AK6: variants seen among roughly 807,000 people sequenced by gnomAD.
The protein encoded by AK6 is adenylate kinase 6.
A neutral mutation model predicts 23.7 loss-of-function variants in AK6; 24 were observed. That is an observed-to-expected ratio of 1.01 (90% CI 0.73 to 1.43). The LOEUF (loss-of-function observed/expected upper bound fraction) is 1.43, where lower values mean the gene tolerates loss of function less well. AK6 is among the 40% of genes most tolerant of loss of function. AK6 has a pLI of 0.00. For missense variants in AK6, 191 were observed against 199.1 expected (o/e 0.96, Z 0.24); for synonymous variants, 73 against 69.8 (o/e 1.05, Z -0.23).
At position 69,352,202 on chromosome 5, in the gene AK6, T is replaced by C. The variant is rs200368080; in HGVS notation, c.378A>G (p.Gln126=). Residue 126 remains glutamine, a synonymous_variant, in exon 5 of 5, where the codon CAA becomes CAG. Coordinates refer to ENST00000380822, the MANE Select transcript of AK6 (RefSeq NM_016283.5). ...LTDNIQCEIF[Q]VLYEEATASY... is the part of the protein sequence containing the mutation. ...ATGCTGTGGCTTCTTCATAAAGAAC[T>C]TGAAAAATCTCACACTGAATATTGT... 13 of 1,613,804 alleles carry C rather than the reference T, an allele frequency of 8.1e-6. No individual in the cohort carries two copies. The highest frequency in any genetic ancestry group is 1.1e-5 in the Non-Finnish European group (13 of 1,179,896).
intron 4 of AK6, among the ~76,000 whole-genome samples, chr5:69,354,682 T>C (rs1473327394): frequency 1.3e-5 from 2 of 152,230 alleles, no homozygotes; most frequent in African/African-American, 4.8e-5. Context: ...CTGGTTTATT[T>C]TGTTAGTTTT....
At chr5:69,367,504 C>CA (rs34070239) in intron 1 of AK6, among the ~76,000 whole-genome samples, 5,023 of 93,908 alleles carry the variant, frequency 0.053, 179 homozygotes, top group East Asian at 0.12. Flanking sequence ...GACTCCATCT[C>CA]AAAAAAAAAA....
intron 1 of AK6, among the ~76,000 whole-genome samples, chr5:69,368,454 G>A (rs1029167962): frequency 6.6e-6 from 1 of 152,150 alleles, no homozygotes; most frequent in East Asian, 1.9e-4. Flanking sequence ...TCAATAAAAT[G>A]TTCACTTTAA....
At chr5:69,368,236 G>A (rs953675436) in intron 1 of AK6, among the ~76,000 whole-genome samples, 1 of 152,008 alleles carries the variant, frequency 6.6e-6, no homozygotes, top group Non-Finnish European at 1.5e-5. Context: ...TATATACATT[G>A]TTCTTTACCT....
At chr5:69,358,536 A>G (rs1762143561) in intron 2 of AK6, among the ~76,000 whole-genome samples, 2 of 151,180 alleles carry the variant, frequency 1.3e-5, no homozygotes, top group African/African-American at 2.4e-5. Flanking sequence ...AAAAAAAAAA[A>G]AAAAAAGAAA....
intron 2 of AK6, among the ~76,000 whole-genome samples, chr5:69,361,892 C>A (rs1384441114): frequency 6.6e-6 from 1 of 151,750 alleles, no homozygotes; most frequent in Non-Finnish European, 1.5e-5. Flanking sequence ...CAGGCATGAG[C>A]CACCATGCTG....
chr5:69,365,479 G>A (rs757406172), intron 2 of AK6: 1 of 1,614,184 alleles, frequency 6.2e-7, no homozygotes. Context: ...TCTCTTGGGG[G>A]AGGAGAGGTA....
At chr5:69,361,425 G>A (rs1291691464) in intron 2 of AK6, among the ~76,000 whole-genome samples, 1 of 150,888 alleles carries the variant, frequency 6.6e-6, no homozygotes, top group Non-Finnish European at 1.5e-5. Context: ...CCGGCCCACA[G>A]TAAGACTCTT....
intron 2 of AK6, among the ~76,000 whole-genome samples, chr5:69,365,996 G>T (rs576484501): frequency 6.6e-6 from 1 of 152,130 alleles, no homozygotes; most frequent in African/African-American, 2.4e-5. Flanking sequence ...ATAAGGGAGC[G>T]ATGAAAGATT....
rs1761958729 is a variant in AK6 at position 69,351,947 on chromosome 5, C to T, written c.*114G>A. ...CACAGGCATAAACCTATATACTATCCACCTGCTGGTTCTGCAACATGATTT... is the reference window on the plus strand; with the variant it reads ...CACAGGCATAAACCTATATACTATCTACCTGCTGGTTCTGCAACATGATTT... On this transcript the variant is annotated 3_prime_UTR_variant, in exon 5 of 5. Coordinates refer to ENST00000380822, the MANE Select transcript of AK6 (RefSeq NM_016283.5). 2 of 820,288 alleles carry T rather than the reference C, an allele frequency of 2.4e-6. No individual in the cohort carries two copies. The highest frequency in any genetic ancestry group is 3.7e-6 in the Non-Finnish European group (2 of 537,596). 50.8% of individuals were successfully genotyped at this position (820,288 alleles called of 1,614,324 possible).
chr5:69,353,924 C>G (rs1338231038), intron 4 of AK6, among the ~76,000 whole-genome samples: 1 of 120,546 alleles, frequency 8.3e-6, no homozygotes, highest in Non-Finnish European at 1.8e-5. Context: ...TGCATGCCAC[C>G]ACACTTGGCT....
intron 2 of AK6, chr5:69,365,509 A>C: frequency 6.2e-7 from 1 of 1,613,976 alleles, no homozygotes; most frequent in Non-Finnish European, 8.5e-7. Flanking sequence ...TCAGCGCGGC[A>C]CTGGATTGCC....
chr5:69,361,853 G>A (rs369207955), intron 2 of AK6, among the ~76,000 whole-genome samples: 9 of 151,394 alleles, frequency 5.9e-5, no homozygotes, highest in Middle Eastern at 3.4e-3. Flanking sequence ...TGATCCACCC[G>A]CCTCGGCCTC....
intron 2 of AK6, 45 bp from the exon 3 acceptor site, chr5:69,355,998 C>T: frequency 2.6e-6 from 4 of 1,510,534 alleles, no homozygotes. Context: ...TTCTAAGTAA[C>T]TTTAAGTAAT....
In AK6 at chr5:69,351,151, C is replaced by T. The variant is rs1375116827; in HGVS notation, c.*910G>A. On this transcript the variant is annotated 3_prime_UTR_variant, in exon 5 of 5. Coordinates refer to ENST00000380822, the MANE Select transcript of AK6 (RefSeq NM_016283.5). ...GCTTCCTCCACAGTGGTGACAGTTACATAACCTTGTTAATAAGCTAAAAAC... is the reference window on the plus strand; with the variant it reads ...GCTTCCTCCACAGTGGTGACAGTTATATAACCTTGTTAATAAGCTAAAAAC... 6.6e-6 allele frequency: 1 copy of T among 152,168 alleles called. No homozygotes were observed. The highest frequency in any genetic ancestry group is 1.9e-4 in the East Asian group (1 of 5,206). The allele number at this position is 152,168 out of a possible 1,614,324, so 9.4% of individuals were successfully genotyped here. A position where few individuals can be genotyped will look rare whatever the true frequency, so the allele number is the denominator to read the frequency against.
chr5:69,361,968 C>CT (rs1561217524), intron 2 of AK6, among the ~76,000 whole-genome samples: 6 of 144,386 alleles, frequency 4.2e-5, no homozygotes, highest in African/African-American at 1.5e-4. Context: ...AACTTGATTC[C>CT]CTTTTTTTTT....
chr5:69,368,670 T>C (rs756296288), intron 1 of AK6, among the ~76,000 whole-genome samples: 3 of 152,238 alleles, frequency 2.0e-5, no homozygotes, highest in Non-Finnish European at 4.4e-5. Flanking sequence ...CAAAGAGTCT[T>C]AATTTTTCTG....
chr5:69,354,111 T>A (rs1201007439), intron 4 of AK6, among the ~76,000 whole-genome samples: 1 of 152,172 alleles, frequency 6.6e-6, no homozygotes, highest in Non-Finnish European at 1.5e-5. Context: ...CTAAAGCTGT[T>A]ACTTTTTTAC....
chr5:69,355,630 A>G lies in AK6; in HGVS notation c.326+19T>C. The G allele has an allele frequency of 6.3e-7, 1 of 1,575,036 alleles. No individual in the cohort carries two copies. On this transcript the variant is annotated intron_variant, in intron 4 of 4. Coordinates refer to ENST00000380822, the MANE Select transcript of AK6 (RefSeq NM_016283.5). ...AGTTAACATTATGCTTTAAGAATCTAATGTTTTTCCTTTCTTACCTTGTTT... is the reference window on the plus strand; with the variant it reads ...AGTTAACATTATGCTTTAAGAATCTGATGTTTTTCCTTTCTTACCTTGTTT...
Sources: allele counts gnomAD v4.1 joint callset (sites outside exome capture counted in the v4.1 genomes callset), GRCh38; gene constraint gnomAD v4.1.1; transcripts MANE v1.5; gene names NCBI Gene and HGNC (gene_info 2026-07-23, HGNC 2026-07-21).